Variants in RGS6 observed in about 807,000 individuals in gnomAD.
RGS6 encodes regulator of G protein signaling 6, also known as regulator of G-protein signaling 6.
In RGS6, 30 loss-of-function variants were observed where a neutral mutation model predicts 78.5. The observed-to-expected ratio is 0.38, with a 90% CI of 0.29 to 0.52. The LOEUF is 0.52. Among genes scored for constraint, RGS6 ranks in the 20% least tolerant of loss-of-function variants. The probability of loss-of-function intolerance (pLI) is 0.85; values close to 1 mark genes in which losing one functional copy is unlikely to be tolerated. For synonymous variants in RGS6, 206 were observed against 206.0 expected, an observed-to-expected ratio of 1.00 and a Z score of 0.00; for missense variants, 495 against 609.7, an observed-to-expected ratio of 0.81 and a Z score of 1.98.
intron 2 of RGS6, among the ~76,000 whole-genome samples, chr14:72,351,892 T>C (rs919019123): frequency 2.6e-5 from 4 of 152,210 alleles, no homozygotes; most frequent in African/African-American, 7.2e-5. Context: ...ACTTATGCTC[T>C]GTATATAACC....
At chr14:72,312,305 A>G (rs1299303860) in intron 2 of RGS6, among the ~76,000 whole-genome samples, 1 of 148,748 alleles carries the variant, frequency 6.7e-6, no homozygotes, top group Non-Finnish European at 1.5e-5. Flanking sequence ...GAATGTACCC[A>G]TCAAAAACTC....
rs748720796 is a variant in RGS6 at position 72,207,903 on chromosome 14, A to G, written c.85-144192A>G. ...GGACAATAATAGTACCGACCTCCTG[A>G]GATTGTTAATTGGAGGAAGTGAATG... On this transcript the variant is annotated intron_variant, in intron 2 of 17. Transcript: ENST00000553525. Among the ~76,000 whole-genome samples the G allele has an allele frequency of 3.3e-5, 5 of 152,184 alleles. No homozygotes were observed. In the South Asian group the frequency reaches 1.0e-3, roughly 32 times the overall value.
intron 2 of RGS6, among the ~76,000 whole-genome samples, chr14:72,048,682 T>A (rs2093033431): frequency 6.6e-6 from 1 of 151,676 alleles, no homozygotes; most frequent in Non-Finnish European, 1.5e-5. Context: ...ACACTTTCTT[T>A]TTGCAGATTT....
the RGS6 span, among the ~76,000 whole-genome samples, chr14:72,580,646 G>C: frequency 2.9e-4 from 44 of 152,324 alleles, 1 homozygote; most frequent in East Asian, 5.0e-3. Flanking sequence ...TTGTAATCAG[G>C]CTATTAGCCA....
intron 3 of RGS6, among the ~76,000 whole-genome samples, chr14:72,381,801 G>A (rs540227804): frequency 1.3e-5 from 2 of 152,018 alleles, no homozygotes; most frequent in Non-Finnish European, 2.9e-5. Context: ...TAAAGAAAAA[G>A]CAATAATATC....
Position 72,116,125 on chromosome 14 carries a change from C to T in RGS6, c.84+151250C>T, listed in dbSNP as rs533398171. 2.0e-5 allele frequency among the ~76,000 whole-genome samples: 3 copies of T among 152,320 alleles called. No homozygotes were observed. The South Asian group carries it at 6.2e-4, about 32-fold the overall frequency. On this transcript the variant is annotated intron_variant, in intron 2 of 17. Coordinates refer to ENST00000553525, the MANE Select transcript of RGS6 (RefSeq NM_001204424.2). ...CCTGTGTGATGTAGAGATACCTAAA[C>T]ATAAATGGGCATGGATATTGTACAC...
At chr14:72,492,776 G>A (rs573473076) in intron 12 of RGS6, among the ~76,000 whole-genome samples, 1 of 152,234 alleles carries the variant, frequency 6.6e-6, no homozygotes, top group South Asian at 2.1e-4. Flanking sequence ...GACTGTCAAA[G>A]TACAACCTGT....
At chr14:71,976,222 CT>C (rs1274389669) in intron 2 of RGS6, among the ~76,000 whole-genome samples, 165 of 139,208 alleles carry the variant, frequency 1.2e-3, no homozygotes, top group African/African-American at 3.6e-3. Flanking sequence ...TCTTTTTTTT[CT>C]TTTTTTTTTG....
intron 2 of RGS6, among the ~76,000 whole-genome samples, chr14:72,058,707 T>A (rs1254103314): frequency 2.0e-5 from 3 of 152,218 alleles, no homozygotes; most frequent in Admixed American, 6.5e-5. Context: ...GGCACAACTT[T>A]GTCTGAGACC....
At chr14:72,596,246 G>A in the RGS6 span, among the ~76,000 whole-genome samples, 1 of 152,066 alleles carries the variant, frequency 6.6e-6, no homozygotes, top group Admixed American at 6.5e-5. Context: ...TTCTTGGCTT[G>A]TCACTCCCTT....
upstream of RGS6, among the ~76,000 whole-genome samples, chr14:71,928,535 G>A (rs187918113): frequency 2.1e-3 from 323 of 152,218 alleles, 2 homozygotes; most frequent in African/African-American, 6.9e-3. Flanking sequence ...ATGCATCGAC[G>A]CAATAGTTTT....
the RGS6 span, among the ~76,000 whole-genome samples, chr14:72,574,099 T>G: frequency 6.6e-5 from 10 of 152,184 alleles, no homozygotes; most frequent in African/African-American, 2.4e-4. Flanking sequence ...CACACACACA[T>G]ACAACATCCA....
At chr14:72,235,586 C>A (rs1478369963) in intron 2 of RGS6, among the ~76,000 whole-genome samples, 1 of 152,184 alleles carries the variant, frequency 6.6e-6, no homozygotes, top group Non-Finnish European at 1.5e-5. Context: ...CCAAAGGGAA[C>A]ACCATTTACC....
intron 3 of RGS6, among the ~76,000 whole-genome samples, chr14:72,388,806 T>G (rs2089096752): frequency 6.6e-6 from 1 of 152,228 alleles, no homozygotes; most frequent in Non-Finnish European, 1.5e-5. Flanking sequence ...CTTTGTGCTT[T>G]GATTACCTCA....
At chr14:71,979,044 T>C (rs1019408353) in intron 2 of RGS6, among the ~76,000 whole-genome samples, 6 of 151,736 alleles carry the variant, frequency 4.0e-5, no homozygotes, top group African/African-American at 1.2e-4. Context: ...TTCTAGTTTA[T>C]TTGCGTAGAG....
chr14:72,259,909 T>TAAA (rs2057809893), intron 2 of RGS6, among the ~76,000 whole-genome samples: 1 of 10,812 alleles, frequency 9.2e-5, no homozygotes, highest in South Asian at 4.8e-3. Flanking sequence ...AGACTCCGTC[T>TAAA]CAAAAAAAAA....
chr14:71,929,524 A>G (rs920788062), upstream of RGS6, among the ~76,000 whole-genome samples: 2 of 152,184 alleles, frequency 1.3e-5, no homozygotes, highest in Non-Finnish European at 2.9e-5. Flanking sequence ...GTCGATTAAG[A>G]TGATACCTCC....
At chr14:71,904,394 C>A in the RGS6 span, among the ~76,000 whole-genome samples, 1 of 152,174 alleles carries the variant, frequency 6.6e-6, no homozygotes, top group African/African-American at 2.4e-5. Context: ...TTTCTTCCCC[C>A]TAGAATAATC....
intron 2 of RGS6, among the ~76,000 whole-genome samples, chr14:72,230,854 T>A (rs1011372896): frequency 2.6e-5 from 4 of 152,108 alleles, no homozygotes; most frequent in African/African-American, 7.2e-5. Flanking sequence ...ATCAAATACT[T>A]CCACAGCAAC....
Sources: allele counts gnomAD v4.1 joint callset (sites outside exome capture counted in the v4.1 genomes callset), GRCh38; gene constraint gnomAD v4.1.1; transcripts MANE v1.5; gene names NCBI Gene and HGNC (gene_info 2026-07-23, HGNC 2026-07-21).